PLGRKT: variants seen among roughly 807,000 people sequenced by gnomAD.
The protein encoded by PLGRKT is plasminogen receptor (KT).
A neutral mutation model predicts 18.5 loss-of-function variants in PLGRKT; 22 were observed. The ratio of observed to expected loss-of-function variants is 1.19; its 90% CI spans 0.85 to 1.70. The LOEUF (loss-of-function observed/expected upper bound fraction) is 1.70, where lower values mean the gene tolerates loss of function less well. Ranked by LOEUF, PLGRKT falls within the 40% of genes most tolerant of loss-of-function variation. PLGRKT has a pLI of 0.00. For synonymous variants in PLGRKT, 72 were observed against 52.8 expected, an observed-to-expected ratio of 1.36 and a Z score of -1.58; for missense variants, 235 against 174.4, an observed-to-expected ratio of 1.35 and a Z score of -1.96.
intron 2 of PLGRKT, among the ~76,000 whole-genome samples, chr9:5,435,175 C>G (rs1424339338): frequency 1.3e-5 from 2 of 152,124 alleles, no homozygotes; most frequent in South Asian, 2.1e-4. Context: ...GGGACACAAA[C>G]AGGGCCAAAG....
intron 3 of PLGRKT, among the ~76,000 whole-genome samples, chr9:5,421,274 T>G (rs991190051): frequency 6.6e-5 from 10 of 152,252 alleles, no homozygotes; most frequent in Admixed American, 2.0e-4. Flanking sequence ...TCCCTGGCTA[T>G]CTGCATGGCT....
intron 3 of PLGRKT, among the ~76,000 whole-genome samples, chr9:5,430,661 AG>A (rs1409468064): frequency 6.6e-6 from 1 of 152,192 alleles, no homozygotes; most frequent in African/African-American, 2.4e-5. Flanking sequence ...CAGTTAGTCA[AG>A]GGTGGGACTG....
intron 3 of PLGRKT, among the ~76,000 whole-genome samples, chr9:5,391,323 A>C (rs544596032): frequency 5.3e-5 from 8 of 152,112 alleles, no homozygotes; most frequent in Non-Finnish European, 1.0e-4. Flanking sequence ...CATGTCTTGA[A>C]AACATTGCCG....
intron 3 of PLGRKT, among the ~76,000 whole-genome samples, chr9:5,415,627 G>C (rs974914999): frequency 6.6e-6 from 1 of 152,126 alleles, no homozygotes; most frequent in Non-Finnish European, 1.5e-5. Context: ...AACACCACTA[G>C]CAATAAGACA....
intron 3 of PLGRKT, among the ~76,000 whole-genome samples, chr9:5,380,945 G>A (rs187656262): frequency 2.7e-4 from 41 of 152,242 alleles, no homozygotes; most frequent in Admixed American, 2.0e-3. Flanking sequence ...GATAGTGAGC[G>A]AGTTCTCAGA....
chr9:5,381,439 G>A (rs72703673), intron 3 of PLGRKT, among the ~76,000 whole-genome samples: 1 of 152,210 alleles, frequency 6.6e-6, no homozygotes, highest in African/African-American at 2.4e-5. Context: ...CCCAAACCTT[G>A]ACAGCTTCCA....
chr9:5,368,984 G>C (rs974789942), intron 3 of PLGRKT, among the ~76,000 whole-genome samples: 2 of 152,098 alleles, frequency 1.3e-5, no homozygotes, highest in African/African-American at 4.8e-5. Context: ...TTATACGTAA[G>C]ACCTAAAGCC....
chr9:5,424,691 T>TATATATATATATATATATATATACACAC (rs201541927), intron 3 of PLGRKT, among the ~76,000 whole-genome samples: 1 of 70,500 alleles, frequency 1.4e-5, no homozygotes, highest in African/African-American at 6.1e-5. Flanking sequence ...TATATATATA[T>TATATATATATATATATATATATACACAC]ACACACAGGG....
At chr9:5,408,066 G>C (rs1818289228) in intron 3 of PLGRKT, among the ~76,000 whole-genome samples, 1 of 152,090 alleles carries the variant, frequency 6.6e-6, no homozygotes. Context: ...GGGAATAACT[G>C]GTCTAAATTT....
At position 5,399,568 on chromosome 9, in the gene PLGRKT, T is replaced by G. The variant is rs530730910; in HGVS notation, c.81+32329A>C. On this transcript the variant is annotated intron_variant, in intron 3 of 5. Coordinates refer to ENST00000223864, the MANE Select transcript of PLGRKT (RefSeq NM_018465.4). ...AGGTACATAGCACCAAACTATTACT[T>G]AGAAATGAATTAATTTTCAAAGGTT... Among the ~76,000 whole-genome samples, 81 of 152,072 alleles carry G rather than the reference T, an allele frequency of 5.3e-4. 2 individuals are homozygous for G. Among genetic ancestry groups the G allele is most frequent in the African/African-American group, 1.9e-3 (77 of 41,320 alleles).
At chr9:5,413,199 C>G (rs557399626) in intron 3 of PLGRKT, among the ~76,000 whole-genome samples, 2 of 152,258 alleles carry the variant, frequency 1.3e-5, no homozygotes, top group Non-Finnish European at 2.9e-5. Context: ...AATCTCAACT[C>G]TAAAAATCTA....
intron 3 of PLGRKT, among the ~76,000 whole-genome samples, chr9:5,425,026 A>T (rs962935364): frequency 4.6e-5 from 7 of 152,268 alleles, no homozygotes; most frequent in South Asian, 2.1e-4. Context: ...ATGCATTTTT[A>T]AAAAACCTTT....
intron 2 of PLGRKT, among the ~76,000 whole-genome samples, chr9:5,435,360 A>C (rs938242771): frequency 6.7e-6 from 1 of 150,370 alleles, no homozygotes; most frequent in Non-Finnish European, 1.5e-5. Flanking sequence ...AGCTGTCTCA[A>C]GGTCAGTAGA....
chr9:5,426,482 G>A (rs995021917), intron 3 of PLGRKT, among the ~76,000 whole-genome samples: 3 of 152,122 alleles, frequency 2.0e-5, no homozygotes, highest in Admixed American at 6.5e-5. Context: ...GCTGCCCCAG[G>A]GAGGATCAGA....
chr9:5,376,248 T>C (rs1355848358), intron 3 of PLGRKT, among the ~76,000 whole-genome samples: 1 of 152,092 alleles, frequency 6.6e-6, no homozygotes, highest in Non-Finnish European at 1.5e-5. Flanking sequence ...TTGGTTACGA[T>C]GGAAATGTTC....
intron 3 of PLGRKT, among the ~76,000 whole-genome samples, chr9:5,401,889 T>C (rs1417354056): frequency 6.6e-6 from 1 of 151,978 alleles, no homozygotes; most frequent in Admixed American, 6.5e-5. Context: ...TGTTGTAAAA[T>C]CCATGTAACG....
intron 3 of PLGRKT, among the ~76,000 whole-genome samples, chr9:5,394,936 G>C (rs777168369): frequency 3.3e-5 from 5 of 151,948 alleles, no homozygotes; most frequent in Admixed American, 6.5e-5. Context: ...GAGGGTGAGG[G>C]AAGTGGGCAG....
At chr9:5,426,536 G>C (rs1258352188) in intron 3 of PLGRKT, among the ~76,000 whole-genome samples, 3 of 152,248 alleles carry the variant, frequency 2.0e-5, no homozygotes, top group Admixed American at 2.0e-4. Flanking sequence ...AACCATGTGG[G>C]TCTATATTCC....
intron 3 of PLGRKT, among the ~76,000 whole-genome samples, chr9:5,399,178 T>C (rs1818107463): frequency 6.6e-6 from 1 of 151,904 alleles, no homozygotes; most frequent in African/African-American, 2.4e-5. Context: ...GGCTGCTTCC[T>C]GGAGTCTCAT....
Sources: gnomAD v4.1 joint callset for allele counts (sites outside exome capture counted in the v4.1 genomes callset) on GRCh38, gnomAD v4.1.1 for gene constraint, MANE v1.5 for transcripts, NCBI Gene and HGNC (gene_info 2026-07-23, HGNC 2026-07-21) for gene names.